Variants in ASTN2 observed in about 807,000 individuals in gnomAD.
ASTN2 encodes astrotactin 2.
ASTN2 carries 54 observed loss-of-function variants against 139.8 expected under a neutral mutation model. The ratio of observed to expected loss-of-function variants is 0.39; its 90% CI spans 0.31 to 0.48. The LOEUF (loss-of-function observed/expected upper bound fraction) is 0.48, where lower values mean the gene tolerates loss of function less well. ASTN2 is among the 20% of genes least tolerant of loss of function. The pLI is 0.95. For missense variants in ASTN2, 1,565 were observed against 1,725.1 expected, an observed-to-expected ratio of 0.91 and a Z score of 1.64; for synonymous variants, 756 against 719.5, an observed-to-expected ratio of 1.05 and a Z score of -0.81.
chr9:116,805,589 G>A (rs183034763), intron 13 of ASTN2, 43 bp downstream of exon 13: 68 of 1,585,110 alleles, frequency 4.3e-5, no homozygotes, highest in Non-Finnish European at 5.5e-5. Flanking sequence ...CAGGTTGTTT[G>A]TCAGTGACTC....
At chr9:116,599,773 T>C (rs1032659901) in intron 19 of ASTN2, among the ~76,000 whole-genome samples, 1 of 152,090 alleles carries the variant, frequency 6.6e-6, no homozygotes, top group Non-Finnish European at 1.5e-5. Flanking sequence ...TCATCAATAA[T>C]GTCTGAGAGG....
chr9:117,194,956 ATT>A (rs1831455119), intron 3 of ASTN2, among the ~76,000 whole-genome samples: 1 of 264 alleles, frequency 3.8e-3, no homozygotes, highest in Non-Finnish European at 0.017. Flanking sequence ...CCATCAGTCC[ATT>A]CATTCATTCA....
At chr9:116,607,341 C>T (rs1475385061) in intron 19 of ASTN2, among the ~76,000 whole-genome samples, 9 of 151,976 alleles carry the variant, frequency 5.9e-5, no homozygotes, top group Non-Finnish European at 1.3e-4. Context: ...AACAACTGCC[C>T]ACCCACAAAG....
chr9:116,831,576 T>C (rs898415084), intron 11 of ASTN2, among the ~76,000 whole-genome samples: 5 of 151,958 alleles, frequency 3.3e-5, no homozygotes, highest in African/African-American at 1.2e-4. Flanking sequence ...AATTAACAAG[T>C]AAACAAACAA....
intron 3 of ASTN2, among the ~76,000 whole-genome samples, chr9:117,152,653 T>G (rs1830350588): frequency 6.6e-6 from 1 of 152,160 alleles, no homozygotes; most frequent in Non-Finnish European, 1.5e-5. Flanking sequence ...AGATTTATAT[T>G]AAACTGTTAC....
At chr9:116,790,036 C>T (rs544037074) in intron 13 of ASTN2, among the ~76,000 whole-genome samples, 75 of 150,194 alleles carry the variant, frequency 5.0e-4, no homozygotes, top group Middle Eastern at 7.0e-3. Flanking sequence ...AGCGATTCTC[C>T]TGCCTCAGCC....
intron 13 of ASTN2, among the ~76,000 whole-genome samples, chr9:116,788,458 A>T (rs1046404951): frequency 6.6e-6 from 1 of 152,310 alleles, no homozygotes; most frequent in African/African-American, 2.4e-5. Flanking sequence ...GTATTTGTAC[A>T]TTAAAATATA....
intron 19 of ASTN2, among the ~76,000 whole-genome samples, chr9:116,507,504 T>C (rs1850163470): frequency 6.6e-6 from 1 of 152,182 alleles, no homozygotes; most frequent in Non-Finnish European, 1.5e-5. Context: ...GTCCAGTTGG[T>C]GGGCAGCCTG....
At chr9:116,925,982 T>C (rs1050655452) in intron 10 of ASTN2, among the ~76,000 whole-genome samples, 1 of 152,104 alleles carries the variant, frequency 6.6e-6, no homozygotes, top group Non-Finnish European at 1.5e-5. Context: ...GCTGAAACAC[T>C]GTAGCCTGAA....
chr9:116,550,104 C>G (rs897553257), intron 19 of ASTN2, among the ~76,000 whole-genome samples: 4 of 152,194 alleles, frequency 2.6e-5, no homozygotes, highest in Admixed American at 2.6e-4. Context: ...CATTCTCTCT[C>G]TTCTACAACT....
chr9:117,389,739 G>C (rs534722091), intron 1 of ASTN2, among the ~76,000 whole-genome samples: 1 of 152,002 alleles, frequency 6.6e-6, no homozygotes, highest in East Asian at 1.9e-4. Context: ...AGAAGCACTA[G>C]GTATGCGGTA....
intron 20 of ASTN2, among the ~76,000 whole-genome samples, chr9:116,483,072 C>T (rs1849225063): frequency 6.6e-6 from 1 of 152,196 alleles, no homozygotes; most frequent in Non-Finnish European, 1.5e-5. Context: ...CAGGCAAGGG[C>T]AGGGACCATG....
chr9:116,500,413 C>T (rs1334499486), intron 19 of ASTN2, among the ~76,000 whole-genome samples: 1 of 152,174 alleles, frequency 6.6e-6, no homozygotes, highest in African/African-American at 2.4e-5. Context: ...CCCCTGATCC[C>T]GTGCTGCTGT....
intron 2 of ASTN2, among the ~76,000 whole-genome samples, chr9:117,237,841 T>C (rs1833090645): frequency 1.3e-5 from 2 of 152,126 alleles, no homozygotes; most frequent in South Asian, 4.2e-4. Context: ...TCACTCTACC[T>C]CCCAGTGGGC....
At chr9:116,632,754 G>A (rs924649737) in intron 17 of ASTN2, among the ~76,000 whole-genome samples, 2 of 152,128 alleles carry the variant, frequency 1.3e-5, no homozygotes, top group African/African-American at 4.8e-5. Context: ...AGTCTTCTTT[G>A]AAAACCCTTC....
chr9:117,039,671 T>C (rs1838494279), intron 6 of ASTN2, 148 bp downstream of exon 6: 2 of 725,658 alleles, frequency 2.8e-6, no homozygotes, highest in Non-Finnish European at 3.9e-6. Flanking sequence ...GATAAGATCC[T>C]CTTCCAAGGT....
intron 1 of ASTN2, among the ~76,000 whole-genome samples, chr9:117,388,853 A>T (rs1037108743): frequency 6.6e-6 from 1 of 152,214 alleles, no homozygotes; most frequent in African/African-American, 2.4e-5. Context: ...AACAGAATTC[A>T]CAGGCTATCT....
chr9:117,263,005 G>GT (rs367567818), intron 2 of ASTN2, among the ~76,000 whole-genome samples: 84 of 152,258 alleles, frequency 5.5e-4, no homozygotes, highest in Middle Eastern at 3.4e-3. Context: ...TGACACCTTG[G>GT]TTTTAACCCA....
At chr9:117,262,852 T>A (rs1833857747) in intron 2 of ASTN2, among the ~76,000 whole-genome samples, 1 of 152,036 alleles carries the variant, frequency 6.6e-6, no homozygotes, top group South Asian at 2.1e-4. Context: ...TGTTGTGGTG[T>A]GAGAAGAACT....
Sources: gnomAD v4.1 joint callset for allele counts (sites outside exome capture counted in the v4.1 genomes callset) on GRCh38, gnomAD v4.1.1 for gene constraint, MANE v1.5 for transcripts, NCBI Gene and HGNC (gene_info 2026-07-23, HGNC 2026-07-21) for gene names.